Variants in NOSIP observed in about 807,000 individuals in gnomAD.
NOSIP encodes the protein nitric oxide synthase-interacting protein.
NOSIP carries 25 observed loss-of-function variants against 36.4 expected under a neutral mutation model. That is an observed-to-expected ratio of 0.69 (90% CI 0.50 to 0.96). The LOEUF (loss-of-function observed/expected upper bound fraction) is 0.96. NOSIP is among the 40% of genes least tolerant of loss of function. NOSIP has a pLI of 0.00. For synonymous variants in NOSIP, 187 were observed against 179.2 expected, an observed-to-expected ratio of 1.04 and a Z score of -0.35; for missense variants, 370 against 429.0, an observed-to-expected ratio of 0.86 and a Z score of 1.21.
At chr19:49,575,879 C>A (rs532274629) in intron 1 of NOSIP, among the ~76,000 whole-genome samples, 1 of 152,328 alleles carries the variant, frequency 6.6e-6, no homozygotes, top group East Asian at 1.9e-4. Context: ...CGCCTGTAAT[C>A]CCAGCACTTT....
At chr19:49,571,856 G>A (rs1291686385) in intron 1 of NOSIP, among the ~76,000 whole-genome samples, 9 of 151,472 alleles carry the variant, frequency 5.9e-5, no homozygotes, top group African/African-American at 1.5e-4. Flanking sequence ...GTGTTGGTGC[G>A]CGCCTGTGGT....
rs749909012 is a variant in NOSIP at position 49,556,535 on chromosome 19, C to T, written c.725+14G>A. 1.6e-5 allele frequency: 25 copies of T among 1,604,250 alleles called. No individual in the cohort carries two copies. Among genetic ancestry groups the T allele is most frequent in the Non-Finnish European group, 2.1e-5 (25 of 1,177,238 alleles). On this transcript the variant is annotated intron_variant, in intron 7 of 8. Coordinates refer to ENST00000596358, the MANE Select transcript of NOSIP (RefSeq NM_001270960.2). Reference sequence around the variant, plus strand: ...TCCCGAGTGGTCCCTTCCCTCCCCTCCCAGGTGACTCACGAGGGCCGCAGC... The same window carrying T: ...TCCCGAGTGGTCCCTTCCCTCCCCTTCCAGGTGACTCACGAGGGCCGCAGC...
chr19:49,556,245 A>G, intron 8 of NOSIP, 72 bp downstream of exon 8: 1 of 651,912 alleles, frequency 1.5e-6, no homozygotes, highest in Non-Finnish European at 2.3e-6. Flanking sequence ...GAGGGGACGA[A>G]GCCTTGGAGG....
rs761009026 is a variant in NOSIP, at chr19:49,555,814, G to A, written c.843C>T (p.Thr281=). Residue 281 remains threonine, a synonymous_variant, in exon 9 of 9, where the codon ACC becomes ACT. Coordinates refer to ENST00000596358, the MANE Select transcript of NOSIP (RefSeq NM_001270960.2). ...RDIIVLQRGG[T]GFAGSGVKLQ... is the part of the protein sequence containing the mutation. ...GCTTCACTCCGGAGCCCGCGAAGCC[G>A]GTACCGCCCTGGGGGAGGTAGAGAG... 6.2e-7 allele frequency: 1 copy of A among 1,613,368 alleles called. No homozygotes were observed. Among genetic ancestry groups the A allele is most frequent in the Non-Finnish European group, 8.5e-7 (1 of 1,179,722 alleles).
chr19:49,573,763 C>T (rs1218055081), intron 1 of NOSIP, among the ~76,000 whole-genome samples: 2 of 152,014 alleles, frequency 1.3e-5, no homozygotes, highest in Non-Finnish European at 2.9e-5. Flanking sequence ...ATGACAACCT[C>T]CCCACGTTCT....
intron 3 of NOSIP, chr19:49,559,631 T>C (rs2080304159): frequency 2.4e-6 from 1 of 408,744 alleles, no homozygotes; most frequent in Non-Finnish European, 4.5e-6. Context: ...CTGTTAAGCC[T>C]TTGCCCTACC....
chr19:49,569,002 C>T lies in NOSIP; in HGVS notation c.-1-8310G>A, dbSNP rs111914751. On this transcript the variant is annotated intron_variant, in intron 1 of 8. Transcript: ENST00000596358. ...ATTTTTAGCAGAGATGGGCTTTCAC[C>T]ACGTTGGTCACGATGGTCTCGAACT... Among the ~76,000 whole-genome samples the T allele has an allele frequency of 1.3e-3, 203 of 151,272 alleles. 3 individuals are homozygous for T. The highest frequency in any genetic ancestry group is 4.7e-3 in the African/African-American group (194 of 41,162).
chr19:49,565,480 G>A (rs2080394119), intron 1 of NOSIP, among the ~76,000 whole-genome samples: 1 of 152,122 alleles, frequency 6.6e-6, no homozygotes, highest in Non-Finnish European at 1.5e-5. Context: ...TGGGTGCCAT[G>A]GTGCACGCCT....
chr19:49,560,067 G>C lies in NOSIP; in HGVS notation c.71-28C>G, dbSNP rs1025760458. On this transcript the variant is annotated intron_variant, in intron 2 of 8. Transcript: ENST00000596358. The surrounding 1 kb of genome is among the most constrained non-coding windows in gnomAD (Gnocchi z 4.6). ...GGGGACAGAGATGGGCAGAGTGATGGAGGGGCGGAGCAACAGGAGACATGT... is the reference window on the plus strand; with the variant it reads ...GGGGACAGAGATGGGCAGAGTGATGCAGGGGCGGAGCAACAGGAGACATGT... 12 of 1,493,812 alleles carry C rather than the reference G, an allele frequency of 8.0e-6. No homozygotes were observed. In the African/African-American group the frequency reaches 1.2e-4, roughly 15 times the overall value. The allele number at this position is 1,493,812 out of a possible 1,614,324, so 92.5% of individuals were successfully genotyped here. A position where few individuals can be genotyped will look rare whatever the true frequency, so the allele number is the denominator to read the frequency against.
intron 7 of NOSIP, 37 bp from the exon 8 acceptor site, chr19:49,556,462 G>A: frequency 6.2e-7 from 1 of 1,608,966 alleles, no homozygotes; most frequent in Non-Finnish European, 8.5e-7. Context: ...TCTGATCAGG[G>A]GCCTTCCTGG....
At chr19:49,577,301 G>A (rs546100141) in intron 1 of NOSIP, among the ~76,000 whole-genome samples, 16 of 152,316 alleles carry the variant, frequency 1.1e-4, no homozygotes, top group South Asian at 2.1e-4. Context: ...GCTCATGCCT[G>A]TAATCCCAGC....
intron 4 of NOSIP, chr19:49,557,992 C>T: frequency 1.1e-6 from 1 of 947,204 alleles, no homozygotes; most frequent in Non-Finnish European, 1.3e-6. Context: ...GTAGTGTTTC[C>T]TGAGCGCCAG....
intron 1 of NOSIP, among the ~76,000 whole-genome samples, chr19:49,570,304 C>T (rs2122156909): frequency 1.3e-5 from 2 of 152,228 alleles, no homozygotes; most frequent in Middle Eastern, 3.4e-3. Context: ...CTTCTGGTTG[C>T]TTTGAAAAAC....
At position 49,560,541 on chromosome 19, in the gene NOSIP, G is replaced by A. The variant is rs1290567948; in HGVS notation, c.70+81C>T. On this transcript the variant is annotated intron_variant, in intron 2 of 8. Transcript: ENST00000596358. This position sits in a 1 kb window ranked among gnomAD's most constrained non-coding sequence, Gnocchi z 4.6. Reference sequence around the variant, plus strand: ...GGGCGGGAGAGAGACAGGGACAGAGGAAGCAAAACCTGGGGCACGAGGGGA... The same window carrying A: ...GGGCGGGAGAGAGACAGGGACAGAGAAAGCAAAACCTGGGGCACGAGGGGA... The A allele has an allele frequency of 3.6e-6, 4 of 1,109,374 alleles. No individual in the cohort carries two copies. The highest frequency in any genetic ancestry group is 5.4e-6 in the Non-Finnish European group (4 of 745,382). The allele number at this position is 1,109,374 out of a possible 1,614,324, so 68.7% of individuals were successfully genotyped here. A position where few individuals can be genotyped will look rare whatever the true frequency, so the allele number is the denominator to read the frequency against.
intron 3 of NOSIP, 25 bp downstream of exon 3, chr19:49,559,909 C>G (rs758112608): frequency 6.4e-7 from 1 of 1,571,374 alleles, no homozygotes; most frequent in Non-Finnish European, 8.7e-7. Flanking sequence ...CCACCCAGAC[C>G]TACCCATCCC....
At chr19:49,555,909 G>T in intron 8 of NOSIP, 87 bp from the exon 9 acceptor site, 1 of 986,552 alleles carries the variant, frequency 1.0e-6, no homozygotes, top group Non-Finnish European at 1.6e-6. Context: ...TTCCTAAGCG[G>T]GTCAAGGTGA....
In NOSIP at chr19:49,580,533, T is replaced by G. The variant is rs1353112019; in HGVS notation, c.-20A>C. On this transcript the variant is annotated 5_prime_UTR_variant, in exon 1 of 9. Transcript: ENST00000596358. ...AACTCACCTCACTAACGACTCCCAG[T>G]CCCTCGGTCGCTTCTTCAACTGTGC... is the stretch of plus-strand genomic sequence containing the variant. The G allele has an allele frequency of 6.6e-6, 1 of 152,168 alleles. No individual in the cohort carries two copies. The highest frequency in any genetic ancestry group is 1.5e-5 in the Non-Finnish European group (1 of 68,092). 9.4% of individuals were successfully genotyped at this position (152,168 alleles called of 1,614,324 possible). A position where few individuals can be genotyped will look rare whatever the true frequency, so the allele number is the denominator to read the frequency against.
At chr19:49,579,416 T>C (rs1019546339) in intron 1 of NOSIP, 2 of 152,234 alleles carry the variant, frequency 1.3e-5, no homozygotes, top group African/African-American at 4.8e-5. Flanking sequence ...ACTAAGTTGA[T>C]ATCTGATCTT....
chr19:49,570,151 G>C (rs189087320), intron 1 of NOSIP, among the ~76,000 whole-genome samples: 5 of 152,164 alleles, frequency 3.3e-5, no homozygotes, highest in African/African-American at 1.2e-4. Flanking sequence ...CAGACAAAAG[G>C]CTCCACATGA....
Sources: gnomAD v4.1 joint callset for allele counts (sites outside exome capture counted in the v4.1 genomes callset) on GRCh38, gnomAD v4.1.1 for gene constraint, Gnocchi (gnomAD v3.1) non-coding constraint, MANE v1.5 for transcripts, NCBI Gene and HGNC (gene_info 2026-07-23, HGNC 2026-07-21) for gene names.